The following F13A1 variants were observed in gnomAD, a reference collection of about 807,000 sequenced individuals.
F13A1 encodes the protein FSF, A subunit.
Under a neutral mutation model 80.1 loss-of-function variants are expected in F13A1, and 47 were observed. The observed-to-expected ratio is 0.59, with a 90% CI of 0.46 to 0.75. The LOEUF (loss-of-function observed/expected upper bound fraction) is 0.75. Among genes scored for constraint, F13A1 ranks in the 30% least tolerant of loss-of-function variants. The pLI is 0.00. For missense variants in F13A1, 817 were observed against 930.4 expected, an observed-to-expected ratio of 0.88 and a Z score of 1.59; for synonymous variants, 349 against 344.9, an observed-to-expected ratio of 1.01 and a Z score of -0.13.
chr6:6,202,190 A>ATACAACAAGT (rs1338735668), intron 8 of F13A1, among the ~76,000 whole-genome samples: 2 of 150,840 alleles, frequency 1.3e-5, no homozygotes, highest in African/African-American at 5.0e-5. Context: ...GATCTCAAAC[A>ATACAACAAGT]CTTATTCCTT....
chr6:6,151,739 T>A (rs1422629029), intron 14 of F13A1, 74 bp downstream of exon 14: 2 of 1,596,902 alleles, frequency 1.3e-6, no homozygotes, highest in Non-Finnish European at 1.7e-6. Flanking sequence ...GATCTATGTT[T>A]GGAAAAGACA....
At chr6:6,285,601 C>T (rs1489267793) in intron 3 of F13A1, among the ~76,000 whole-genome samples, 1 of 152,216 alleles carries the variant, frequency 6.6e-6, no homozygotes, top group African/African-American at 2.4e-5. Flanking sequence ...GGGTAACTCC[C>T]ATTACTTCTC....
chr6:6,201,899 G>C (rs954068482), intron 8 of F13A1, among the ~76,000 whole-genome samples: 6 of 152,078 alleles, frequency 3.9e-5, no homozygotes, highest in South Asian at 2.1e-4. Flanking sequence ...TCAATATACA[G>C]TAGTGTCATT....
Position 6,250,525 on chromosome 6 carries a change from A to T in F13A1, c.690+286T>A, listed in dbSNP as rs943484121. Reference sequence around the variant, plus strand: ...AGCCAGGTTGAACTAATGAGATTTCACTGTTCTAAGTGGCCAAAGCATTTC... The same window carrying T: ...AGCCAGGTTGAACTAATGAGATTTCTCTGTTCTAAGTGGCCAAAGCATTTC... On this transcript the variant is annotated intron_variant, in intron 5 of 14. Transcript: ENST00000264870. This position sits in a 1 kb window ranked among gnomAD's most constrained non-coding sequence, Gnocchi z 4.2. Among the ~76,000 whole-genome samples, 1 of 152,162 alleles carries T rather than the reference A, an allele frequency of 6.6e-6. No individual in the cohort carries two copies. The highest frequency in any genetic ancestry group is 1.5e-5 in the Non-Finnish European group (1 of 68,018).
rs1413493471 is a variant in F13A1, at chr6:6,250,257, A to G, written c.690+554T>C. On this transcript the variant is annotated intron_variant, in intron 5 of 14. Coordinates refer to ENST00000264870, the MANE Select transcript of F13A1 (RefSeq NM_000129.4). The surrounding 1 kb of genome is among the most constrained non-coding windows in gnomAD (Gnocchi z 4.2). ...AAGATACCAAACTGAAATAGTTTGA[A>G]TGACTGAACATCTTAAAGAAATGCC... Among the ~76,000 whole-genome samples the G allele has an allele frequency of 6.6e-6, 1 of 152,194 alleles. No individual in the cohort carries two copies. Among genetic ancestry groups the G allele is most frequent in the East Asian group, 1.9e-4 (1 of 5,188 alleles).
intron 3 of F13A1, among the ~76,000 whole-genome samples, chr6:6,273,290 G>C (rs908849382): frequency 6.6e-6 from 1 of 152,032 alleles, no homozygotes; most frequent in Non-Finnish European, 1.5e-5. Context: ...GTACCCAGTC[G>C]GTACCTAATA....
chr6:6,216,973 A>G (rs1303011481), intron 8 of F13A1, among the ~76,000 whole-genome samples: 8 of 150,988 alleles, frequency 5.3e-5, no homozygotes, highest in Non-Finnish European at 1.2e-4. Flanking sequence ...CAAAACCACA[A>G]TGAGATACCA....
intron 10 of F13A1, among the ~76,000 whole-genome samples, chr6:6,184,748 C>G (rs923496422): frequency 6.6e-5 from 10 of 152,264 alleles, no homozygotes; most frequent in African/African-American, 2.2e-4. Flanking sequence ...TCCTGCCCCC[C>G]CACCTTGAAT....
At chr6:6,306,962 C>T (rs1373526394) in intron 2 of F13A1, among the ~76,000 whole-genome samples, 1 of 152,234 alleles carries the variant, frequency 6.6e-6, no homozygotes, top group Non-Finnish European at 1.5e-5. Context: ...CCAGGAGTTC[C>T]TGAAACACTG....
intron 12 of F13A1, among the ~76,000 whole-genome samples, chr6:6,171,208 C>G (rs371292350): frequency 1.6e-4 from 24 of 152,322 alleles, no homozygotes; most frequent in African/African-American, 5.3e-4. Context: ...AGGAAGGGAC[C>G]TGGCCCACTT....
In F13A1 at chr6:6,235,640, G is replaced by T. The variant is rs1310446461; in HGVS notation, c.799-10780C>A. Among the ~76,000 whole-genome samples, 10 of 152,040 alleles carry T rather than the reference G, an allele frequency of 6.6e-5. No individual in the cohort carries two copies. In the East Asian group the frequency reaches 1.7e-3, roughly 26 times the overall value. ...ATTAAAAAGACTGATCATATGAAGT[G>T]TCCGGGAGGATATGCAACACTTTAG... On this transcript the variant is annotated intron_variant, in intron 6 of 14. Coordinates refer to ENST00000264870, the MANE Select transcript of F13A1 (RefSeq NM_000129.4).
At chr6:6,192,673 G>A (rs1033544760) in intron 10 of F13A1, among the ~76,000 whole-genome samples, 11 of 152,188 alleles carry the variant, frequency 7.2e-5, no homozygotes, top group Non-Finnish European at 1.6e-4. Flanking sequence ...CGTTGTATAA[G>A]AGAACTGCTG....
intron 8 of F13A1, among the ~76,000 whole-genome samples, chr6:6,220,488 C>T (rs1757176074): frequency 6.6e-6 from 1 of 151,834 alleles, no homozygotes; most frequent in East Asian, 1.9e-4. Flanking sequence ...ATGGGAGGTA[C>T]CTGAATCAAG....
chr6:6,223,594 C>T (rs1757231650), intron 7 of F13A1, among the ~76,000 whole-genome samples: 2 of 152,066 alleles, frequency 1.3e-5, no homozygotes, highest in South Asian at 4.2e-4. Context: ...ATATGTATTC[C>T]TTCTTCCCTG....
At chr6:6,233,616 A>G (rs746657560) in intron 6 of F13A1, among the ~76,000 whole-genome samples, 21 of 152,192 alleles carry the variant, frequency 1.4e-4, no homozygotes, top group Non-Finnish European at 3.1e-4. Context: ...GCATCACCCT[A>G]ATACAAAAAC....
intron 3 of F13A1, among the ~76,000 whole-genome samples, chr6:6,281,612 C>T (rs1302289489): frequency 6.6e-6 from 1 of 152,166 alleles, no homozygotes; most frequent in Non-Finnish European, 1.5e-5. Flanking sequence ...TATTTTGTTA[C>T]AACAGCAACA....
intron 11 of F13A1, 35 bp downstream of exon 11, chr6:6,181,953 G>C (rs1258748742): frequency 6.2e-7 from 1 of 1,611,982 alleles, no homozygotes. Flanking sequence ...AATGGACTTG[G>C]GCAAATAAAT....
intron 3 of F13A1, among the ~76,000 whole-genome samples, chr6:6,286,415 G>A (rs1185372554): frequency 6.6e-6 from 1 of 152,158 alleles, no homozygotes; most frequent in Non-Finnish European, 1.5e-5. Flanking sequence ...CTAAGTCAAA[G>A]TCAAACTGTA....
chr6:6,217,393 T>C (rs892995418), intron 8 of F13A1, among the ~76,000 whole-genome samples: 1 of 151,452 alleles, frequency 6.6e-6, no homozygotes, highest in Non-Finnish European at 1.5e-5. Flanking sequence ...ATGGATGAAA[T>C]TGGAAATCAT....
Sources: gnomAD v4.1 joint callset for allele counts (sites outside exome capture counted in the v4.1 genomes callset) on GRCh38, gnomAD v4.1.1 for gene constraint, Gnocchi (gnomAD v3.1) non-coding constraint, MANE v1.5 for transcripts, NCBI Gene and HGNC (gene_info 2026-07-23, HGNC 2026-07-21) for gene names.